ACSS3: variants seen among roughly 807,000 people sequenced by gnomAD.
ACSS3 encodes acyl-CoA synthetase short-chain family member 3, mitochondrial.
In ACSS3, 64 loss-of-function variants were observed where a neutral mutation model predicts 84.2. The observed-to-expected ratio is 0.76, with a 90% CI of 0.62 to 0.94. The LOEUF is 0.94. ACSS3 is among the 40% of genes least tolerant of loss of function. The pLI is 0.00. For missense variants in ACSS3, 815 were observed against 867.6 expected, an observed-to-expected ratio of 0.94 and a Z score of 0.76; for synonymous variants, 317 against 310.1, an observed-to-expected ratio of 1.02 and a Z score of -0.23.
intron 5 of ACSS3, among the ~76,000 whole-genome samples, chr12:81,148,774 T>C (rs1405600944): frequency 6.6e-6 from 1 of 151,328 alleles, no homozygotes; most frequent in Admixed American, 6.6e-5. Flanking sequence ...TATAAGTACA[T>C]AGAGAGGCCA....
chr12:81,211,739 A>G (rs1320181791), intron 9 of ACSS3, among the ~76,000 whole-genome samples: 1 of 152,228 alleles, frequency 6.6e-6, no homozygotes, highest in Non-Finnish European at 1.5e-5. Flanking sequence ...AATTATATTT[A>G]CATTGTTATG....
At chr12:81,231,558 T>G (rs1272661483) in intron 12 of ACSS3, among the ~76,000 whole-genome samples, 1 of 151,884 alleles carries the variant, frequency 6.6e-6, no homozygotes, top group Non-Finnish European at 1.5e-5. Context: ...GCAAAATCCA[T>G]TCAGCTTGCC....
At chr12:81,178,996 T>A (rs1443589544) in intron 8 of ACSS3, among the ~76,000 whole-genome samples, 3 of 151,940 alleles carry the variant, frequency 2.0e-5, no homozygotes, top group Non-Finnish European at 2.9e-5. Flanking sequence ...AAGCTACAGA[T>A]GTACCACCAT....
chr12:81,131,161 A>G (rs1885473253), intron 2 of ACSS3, among the ~76,000 whole-genome samples: 1 of 152,120 alleles, frequency 6.6e-6, no homozygotes, highest in South Asian at 2.1e-4. Flanking sequence ...TGATTCTGTG[A>G]AGAGAGTCAT....
intron 1 of ACSS3, among the ~76,000 whole-genome samples, chr12:81,095,594 A>G (rs1881987238): frequency 6.6e-6 from 1 of 152,194 alleles, no homozygotes; most frequent in African/African-American, 2.4e-5. Flanking sequence ...AATCTTTAAG[A>G]TCATTCATTC....
intron 7 of ACSS3, among the ~76,000 whole-genome samples, chr12:81,171,509 AC>A (rs1281141183): frequency 6.6e-6 from 1 of 152,178 alleles, no homozygotes; most frequent in Admixed American, 6.5e-5. Flanking sequence ...ACAATAAAAC[AC>A]AAAGCAATTG....
At chr12:81,085,645 G>A (rs1015597513) in intron 1 of ACSS3, among the ~76,000 whole-genome samples, 1 of 152,166 alleles carries the variant, frequency 6.6e-6, no homozygotes, top group Admixed American at 6.5e-5. Flanking sequence ...CCAAATCTTG[G>A]CCAACCTGAA....
At chr12:81,081,435 C>T (rs2121260820) in intron 1 of ACSS3, among the ~76,000 whole-genome samples, 1 of 152,272 alleles carries the variant, frequency 6.6e-6, no homozygotes, top group East Asian at 1.9e-4. Context: ...TAACACCTGG[C>T]TCTTTGGGTA....
intron 8 of ACSS3, among the ~76,000 whole-genome samples, chr12:81,191,174 T>C (rs1271481066): frequency 6.6e-6 from 1 of 152,114 alleles, no homozygotes; most frequent in Non-Finnish European, 1.5e-5. Context: ...GATGAACCTA[T>C]ATTGATACTT....
intron 9 of ACSS3, among the ~76,000 whole-genome samples, chr12:81,216,586 C>A (rs917474787): frequency 2.6e-5 from 4 of 152,060 alleles, no homozygotes; most frequent in Non-Finnish European, 4.4e-5. Context: ...ATGGAACCGT[C>A]CAAGTCACAT....
chr12:81,145,505 G>A (rs192417312), intron 5 of ACSS3, among the ~76,000 whole-genome samples: 1 of 152,278 alleles, frequency 6.6e-6, no homozygotes, highest in East Asian at 1.9e-4. Context: ...AAGATAGAAG[G>A]TGATCCTTTA....
intron 7 of ACSS3, among the ~76,000 whole-genome samples, chr12:81,159,875 G>A (rs1185161788): frequency 1.3e-5 from 2 of 152,200 alleles, no homozygotes; most frequent in Admixed American, 1.3e-4. Context: ...TTACCAGACT[G>A]TCATCTGCAG....
chr12:81,186,468 G>A (rs2031259623), intron 8 of ACSS3, among the ~76,000 whole-genome samples: 1 of 151,576 alleles, frequency 6.6e-6, no homozygotes, highest in Non-Finnish European at 1.5e-5. Flanking sequence ...TCTGATAAAG[G>A]GTTAATATCC....
In ACSS3 at chr12:81,109,654, C is replaced by T. The variant is rs770014944; in HGVS notation, c.406C>T (p.Pro136Ser). Reference protein sequence around the residue: ...GDKIAIIYDSPVTNTKATFTY... With the variant: ...GDKIAIIYDSSVTNTKATFTY... ...TAAGATTGCTATCATCTATGACAGT[C>T]CTGTTACAAACACTAAAGCAACCTT... The change falls in exon 2 of 16, where the codon CCT becomes TCT. Residue 136 changes from proline (P) to serine (S), a missense_variant. By Grantham distance (74) the Pro-to-Ser change is moderately conservative. Transcript: ENST00000548058. 2.5e-6 allele frequency: 4 copies of T among 1,610,810 alleles called. No homozygotes were observed. In the Admixed American group the frequency reaches 6.7e-5, roughly 27 times the overall value.
At position 81,257,515 on chromosome 12, in the gene ACSS3, T is replaced by A. The variant is rs1018354520; in HGVS notation, c.*2593T>A. 1 of 152,182 alleles carries A rather than the reference T, an allele frequency of 6.6e-6. No homozygotes were observed. Among genetic ancestry groups the A allele is most frequent in the African/African-American group, 2.4e-5 (1 of 41,458 alleles). The allele number at this position is 152,182 out of a possible 1,614,324, so 9.4% of individuals were successfully genotyped here. A position where few individuals can be genotyped will look rare whatever the true frequency, so the allele number is the denominator to read the frequency against. On this transcript the variant is annotated 3_prime_UTR_variant, in exon 16 of 16. Transcript: ENST00000548058. ...TAAATTCTGTGAGGTCTTCGTTTGGTATTTTCATAGGATTTCTTACTGTTA... is the reference window on the plus strand; with the variant it reads ...TAAATTCTGTGAGGTCTTCGTTTGGAATTTTCATAGGATTTCTTACTGTTA...
chr12:81,110,977 T>G (rs1883528073), intron 2 of ACSS3, among the ~76,000 whole-genome samples: 1 of 152,164 alleles, frequency 6.6e-6, no homozygotes, highest in Non-Finnish European at 1.5e-5. Context: ...TATTTTGCCT[T>G]GTAAGAAATT....
intron 5 of ACSS3, among the ~76,000 whole-genome samples, chr12:81,149,331 A>G (rs17008209): frequency 0.021 from 3,227 of 152,176 alleles, 108 homozygotes; most frequent in African/African-American, 0.073. Flanking sequence ...TTGCATTTTA[A>G]TTATCATTAC....
At chr12:81,122,865 T>C (rs972816338) in intron 2 of ACSS3, among the ~76,000 whole-genome samples, 2 of 152,168 alleles carry the variant, frequency 1.3e-5, no homozygotes, top group Admixed American at 1.3e-4. Context: ...TTACAAATAC[T>C]CTAGGAAGCG....
intron 2 of ACSS3, among the ~76,000 whole-genome samples, chr12:81,126,339 AT>A (rs1331336489): frequency 1.3e-5 from 2 of 152,164 alleles, no homozygotes; most frequent in Non-Finnish European, 2.9e-5. Flanking sequence ...ATCCTTAATT[AT>A]TCTTTGTCTG....
Sources: allele counts gnomAD v4.1 joint callset (sites outside exome capture counted in the v4.1 genomes callset), GRCh38; gene constraint gnomAD v4.1.1; transcripts MANE v1.5; gene names NCBI Gene and HGNC (gene_info 2026-07-23, HGNC 2026-07-21).